Variants in EYS observed in about 807,000 individuals in gnomAD.
The protein encoded by EYS is EGF-like photoreceptor maintenance factor.
In EYS, 250 loss-of-function variants were observed where a neutral mutation model predicts 282.1. The ratio of observed to expected loss-of-function variants is 0.89; its 90% CI spans 0.80 to 0.98. The LOEUF is 0.98. EYS is among the 50% of genes least tolerant of loss of function. The probability of loss-of-function intolerance (pLI) is 0.00; values close to 1 mark genes in which losing one functional copy is unlikely to be tolerated. For synonymous variants in EYS, 1,355 were observed against 1,282.9 expected (o/e 1.06, Z -1.20); for missense variants, 4,016 against 3,709.0 (o/e 1.08, Z -2.15).
chr6:65,530,235 A>G (rs961903441), intron 2 of EYS, among the ~76,000 whole-genome samples: 3 of 152,174 alleles, frequency 2.0e-5, no homozygotes, highest in African/African-American at 2.4e-5. Flanking sequence ...TTGGTAGCCT[A>G]CTTGGTGAAA....
intron 42 of EYS, 114 bp downstream of exon 42, chr6:63,726,405 A>C (rs1046357408): frequency 4.4e-6 from 4 of 914,432 alleles, no homozygotes; most frequent in Non-Finnish European, 6.3e-6. Context: ...ACAATAGAAC[A>C]TAAAAGCATC....
intron 18 of EYS, among the ~76,000 whole-genome samples, chr6:64,890,057 C>G (rs901135004): frequency 1.6e-4 from 19 of 121,946 alleles, no homozygotes; most frequent in Non-Finnish European, 2.2e-4. Context: ...CCCCCCCCCC[C>G]AAGGTGTGCC....
chr6:65,461,825 C>A (rs1764836500), intron 5 of EYS, among the ~76,000 whole-genome samples: 1 of 152,098 alleles, frequency 6.6e-6, no homozygotes, highest in African/African-American at 2.4e-5. Context: ...CAGGGACTCT[C>A]ATACTTTACT....
chr6:64,939,816 C>G (rs1473543571), intron 15 of EYS, among the ~76,000 whole-genome samples: 1 of 151,906 alleles, frequency 6.6e-6, no homozygotes, highest in Non-Finnish European at 1.5e-5. Flanking sequence ...TGTAAGTGTT[C>G]TTCTGATGAC....
intron 12 of EYS, among the ~76,000 whole-genome samples, chr6:65,145,918 A>T (rs1764465582): frequency 6.6e-6 from 1 of 151,818 alleles, no homozygotes; most frequent in African/African-American, 2.4e-5. Flanking sequence ...GGTTTAAAAA[A>T]CGTTTTTACA....
At chr6:65,184,338 A>G (rs924682900) in intron 12 of EYS, among the ~76,000 whole-genome samples, 7 of 151,876 alleles carry the variant, frequency 4.6e-5, no homozygotes, top group African/African-American at 7.2e-5. Context: ...ACAGTAGGAG[A>G]GAGAGCAACA....
chr6:65,157,101 A>G (rs981758302), intron 12 of EYS, among the ~76,000 whole-genome samples: 1 of 151,132 alleles, frequency 6.6e-6, no homozygotes, highest in African/African-American at 2.4e-5. Flanking sequence ...ACTCCTTAAA[A>G]TATCTCCATT....
chr6:65,446,038 A>C (rs1768642722), intron 5 of EYS, among the ~76,000 whole-genome samples: 1 of 151,774 alleles, frequency 6.6e-6, no homozygotes, highest in South Asian at 2.1e-4. Flanking sequence ...TTTAACCCAG[A>C]GGTTTTTTTA....
intron 30 of EYS, among the ~76,000 whole-genome samples, chr6:64,292,470 G>A (rs1055328034): frequency 1.2e-4 from 18 of 152,156 alleles, no homozygotes; most frequent in Admixed American, 5.9e-4. Flanking sequence ...AAGGGTTTCC[G>A]GAATAATGAG....
intron 32 of EYS, among the ~76,000 whole-genome samples, chr6:64,069,451 T>G (rs962726358): frequency 2.0e-5 from 3 of 152,042 alleles, no homozygotes; most frequent in Admixed American, 6.6e-5. Context: ...TACATATCAG[T>G]ATATATACAC....
chr6:64,400,616 G>A (rs139481883), intron 28 of EYS, among the ~76,000 whole-genome samples: 248 of 152,122 alleles, frequency 1.6e-3, no homozygotes, highest in African/African-American at 5.8e-3. Context: ...GATTGAATCT[G>A]ACTGAACATA....
chr6:64,161,630 G>C (rs1036741820), intron 31 of EYS, among the ~76,000 whole-genome samples: 1 of 152,156 alleles, frequency 6.6e-6, no homozygotes, highest in African/African-American at 2.4e-5. Context: ...TGGGGATAAT[G>C]AGTCACCGAA....
chr6:64,258,630 A>C (rs1016364529), intron 30 of EYS, among the ~76,000 whole-genome samples: 9 of 152,126 alleles, frequency 5.9e-5, no homozygotes, highest in African/African-American at 2.2e-4. Context: ...ACACAAAATA[A>C]AAATAATCTA....
intron 35 of EYS, among the ~76,000 whole-genome samples, chr6:63,886,197 G>A (rs1353720156): frequency 2.6e-5 from 4 of 152,144 alleles, no homozygotes; most frequent in Admixed American, 6.5e-5. Context: ...ACTGGCTTGG[G>A]CCATACAAGG....
chr6:65,371,386 G>A (rs2150341765), intron 8 of EYS, among the ~76,000 whole-genome samples: 1 of 151,700 alleles, frequency 6.6e-6, no homozygotes. Flanking sequence ...CGGATACCTA[G>A]GGAGGACTGT....
At chr6:65,073,080 G>T (rs1349024449) in intron 12 of EYS, among the ~76,000 whole-genome samples, 1 of 151,232 alleles carries the variant, frequency 6.6e-6, no homozygotes, top group African/African-American at 2.4e-5. Context: ...AAAGATTAAA[G>T]AAAATATAGA....
Position 64,490,945 on chromosome 6 carries a change from A to C in EYS, c.5645-51593T>G, listed in dbSNP as rs895479204. On this transcript the variant is annotated intron_variant, in intron 26 of 42. Transcript: ENST00000503581. ...AGAGAGGAAACCTTTAAATACATCA[A>C]CACCACAGACACTAAAATCAACAGA... 2.7e-5 allele frequency among the ~76,000 whole-genome samples: 4 copies of C among 150,846 alleles called. No individual in the cohort carries two copies. The Admixed American group carries it at 2.7e-4, about 10-fold the overall frequency.
At chr6:64,539,681 G>C (rs16895472) in intron 26 of EYS, among the ~76,000 whole-genome samples, 3,806 of 152,248 alleles carry the variant, frequency 0.025, 113 homozygotes, top group East Asian at 0.11. Flanking sequence ...CCATGCAAGG[G>C]TATAGATATT....
At chr6:64,178,328 A>C (rs1041880846) in intron 31 of EYS, among the ~76,000 whole-genome samples, 1 of 152,124 alleles carries the variant, frequency 6.6e-6, no homozygotes, top group African/African-American at 2.4e-5. Context: ...CTTTGAATTT[A>C]ACTGTACCAG....
Sources: allele counts gnomAD v4.1 joint callset (sites outside exome capture counted in the v4.1 genomes callset), GRCh38; gene constraint gnomAD v4.1.1; transcripts MANE v1.5; gene names NCBI Gene and HGNC (gene_info 2026-07-23, HGNC 2026-07-21).